TPD52L2: variants seen among roughly 807,000 people sequenced by gnomAD.
TPD52L2 encodes tumor protein D54.
Under a neutral mutation model 24.7 loss-of-function variants are expected in TPD52L2, and 19 were observed. The observed-to-expected ratio is 0.77, with a 90% CI of 0.54 to 1.13. The LOEUF is 1.13. Ranked by LOEUF, TPD52L2 falls within the 50% of genes most tolerant of loss-of-function variation. The pLI is 0.00. For missense variants in TPD52L2, 236 were observed against 250.4 expected (o/e 0.94, Z 0.39); for synonymous variants, 104 against 100.2 (o/e 1.04, Z -0.23).
chr20:63,880,816 G>A (rs1332409228), intron 4 of TPD52L2, among the ~76,000 whole-genome samples: 3 of 151,450 alleles, frequency 2.0e-5, no homozygotes, highest in Non-Finnish European at 2.9e-5. Flanking sequence ...GCGTGCACCC[G>A]TGAGGCAGAG....
intron 4 of TPD52L2, chr20:63,876,516 C>T (rs1175445168): frequency 5.8e-6 from 2 of 346,036 alleles, no homozygotes; most frequent in African/African-American, 4.3e-5. Context: ...AATAGCACTT[C>T]ATTTACTTGT....
chr20:63,886,107 G>A, intron 5 of TPD52L2: 1 of 1,546,042 alleles, frequency 6.5e-7, no homozygotes, highest in Non-Finnish European at 8.9e-7. Flanking sequence ...GTGGACTCCG[G>A]CAGGGCCCTT....
intron 4 of TPD52L2, among the ~76,000 whole-genome samples, chr20:63,880,837 GCCGAGATGGTGCTGCTGCACT>G (rs1484266152): frequency 1.3e-5 from 2 of 151,088 alleles, no homozygotes; most frequent in African/African-American, 4.9e-5. Context: ...CTTGCAGTGA[GCCGAGATGGTGCTGCTGCACT>G]CCAGCCTGGG....
chr20:63,880,628 C>T (rs2052857431), intron 4 of TPD52L2, among the ~76,000 whole-genome samples: 1 of 152,240 alleles, frequency 6.6e-6, no homozygotes, highest in Non-Finnish European at 1.5e-5. Context: ...CGGTGGCTCA[C>T]ACCTGTAATC....
chr20:63,887,510 G>C (rs939872258), intron 5 of TPD52L2: 2 of 1,599,846 alleles, frequency 1.3e-6, no homozygotes, highest in Middle Eastern at 1.7e-4. Flanking sequence ...GTTGTGTGTG[G>C]ATCTTGGTGT....
chr20:63,881,117 T>A (rs909764776), intron 4 of TPD52L2, among the ~76,000 whole-genome samples: 1 of 152,016 alleles, frequency 6.6e-6, no homozygotes, highest in African/African-American at 2.4e-5. Context: ...ATCCCAGCAC[T>A]GCGGGAGGCC....
At chr20:63,876,656 C>G (rs1241865919) in intron 4 of TPD52L2, 1 of 414,530 alleles carries the variant, frequency 2.4e-6, no homozygotes, top group African/African-American at 2.1e-5. Context: ...GCAGAAAGTC[C>G]TCCCATGTTG....
intron 3 of TPD52L2, among the ~76,000 whole-genome samples, chr20:63,874,252 G>C (rs1159753934): frequency 6.8e-6 from 1 of 147,440 alleles, no homozygotes; most frequent in Non-Finnish European, 1.5e-5. Context: ...GTGTGTGTGT[G>C]TGTGTTTTTA....
Position 63,887,408 on chromosome 20 carries a change from T to G in TPD52L2, c.477-1782T>G, listed in dbSNP as rs1188956905. The G allele has an allele frequency of 3.2e-5, 28 of 876,404 alleles. No homozygotes were observed. In the Admixed American group the frequency reaches 4.6e-4, roughly 14 times the overall value. 54.3% of individuals were successfully genotyped at this position (876,404 alleles called of 1,614,324 possible). On this transcript the variant is annotated intron_variant, in intron 5 of 6. Coordinates refer to ENST00000346249, the MANE Select transcript of TPD52L2 (RefSeq NM_003288.4). ...CAAGGGAGGACCCTGGGGTCGAGTT[T>G]CCTTCGGGGGCATTGTGTGGAGGGG...
intron 4 of TPD52L2, among the ~76,000 whole-genome samples, chr20:63,881,332 C>G (rs1208611065): frequency 6.6e-6 from 1 of 150,714 alleles, no homozygotes; most frequent in Non-Finnish European, 1.5e-5. Flanking sequence ...TGCCCCCCAG[C>G]CTGAGTGACA....
At chr20:63,887,213 T>A (rs1321449822) in intron 5 of TPD52L2, 2 of 400,302 alleles carry the variant, frequency 5.0e-6, no homozygotes, top group Non-Finnish European at 9.3e-6. Flanking sequence ...TGTTTTTACT[T>A]GACTTGGTGG....
intron 5 of TPD52L2, chr20:63,885,915 C>T: frequency 1.6e-6 from 2 of 1,274,100 alleles, no homozygotes; most frequent in Non-Finnish European, 2.3e-6. Flanking sequence ...TGAGCACGAG[C>T]AGGGGGCCTC....
intron 3 of TPD52L2, among the ~76,000 whole-genome samples, 187 bp from the exon 4 acceptor site, chr20:63,875,629 C>T (rs991150486): frequency 6.6e-6 from 1 of 152,244 alleles, no homozygotes; most frequent in Non-Finnish European, 1.5e-5. Context: ...ATACCCACAG[C>T]TCACCTGGCG....
At position 63,869,397 on chromosome 20, in the gene TPD52L2, C is replaced by CT. The variant is rs1447812298; in HGVS notation, c.122dup (p.Thr42AspfsTer4). The CT allele has an allele frequency of 6.2e-7, 1 of 1,614,090 alleles. No homozygotes were observed. On this transcript the variant is annotated frameshift_variant, in exon 2 of 7. Coordinates refer to ENST00000346249, the MANE Select transcript of TPD52L2 (RefSeq NM_003288.4). LOFTEE classifies it high-confidence loss of function. ...TGCCCGGACTCCTGCTGTTGAGGGT[C>CT]TGACAGAGGCTGAGGAGGAGGAGCT... is the stretch of plus-strand genomic sequence containing the variant.
chr20:63,875,750 C>A lies in TPD52L2; in HGVS notation c.315-66C>A, dbSNP rs146549875. The A allele has an allele frequency of 5.2e-6, 8 of 1,530,480 alleles. No homozygotes were observed. The African/African-American group carries it at 9.6e-5, about 18-fold the overall frequency. The allele number at this position is 1,530,480 out of a possible 1,614,324, so 94.8% of individuals were successfully genotyped here. On this transcript the variant is annotated intron_variant, in intron 3 of 6. Coordinates refer to ENST00000346249, the MANE Select transcript of TPD52L2 (RefSeq NM_003288.4). ...CTCTCTGTCTTCCCTGGAACTTCAC[C>A]TGCAGTTTGATGCCTGAGTTAAAAT...
intron 5 of TPD52L2, among the ~76,000 whole-genome samples, chr20:63,885,061 C>A (rs547982565): frequency 1.2e-4 from 18 of 152,344 alleles, no homozygotes; most frequent in Admixed American, 7.2e-4. Context: ...CTCACTACTT[C>A]CTGAAAGTGA....
intron 6 of TPD52L2, among the ~76,000 whole-genome samples, chr20:63,889,637 G>A (rs2053260568): frequency 6.6e-6 from 1 of 152,238 alleles, no homozygotes; most frequent in Non-Finnish European, 1.5e-5. Flanking sequence ...GAACGATACA[G>A]TGTGCAGCTT....
rs1003989848 is a variant in TPD52L2 at position 63,877,600 on chromosome 20, C to A, written c.374+1725C>A. Among the ~76,000 whole-genome samples the A allele has an allele frequency of 6.6e-6, 1 of 152,260 alleles. No homozygotes were observed. The highest frequency in any genetic ancestry group is 6.5e-5 in the Admixed American group (1 of 15,282). On this transcript the variant is annotated intron_variant, in intron 4 of 6. Transcript: ENST00000346249. The surrounding 1 kb of genome is among the most constrained non-coding windows in gnomAD (Gnocchi z 4.1). ...GCATCAGGCGGACGCACAGTGCAGA[C>A]TCAGTCTGAAAATAGTCTTAGGAGA...
chr20:63,875,517 G>C (rs2052638483), intron 3 of TPD52L2, among the ~76,000 whole-genome samples: 1 of 152,228 alleles, frequency 6.6e-6, no homozygotes, highest in African/African-American at 2.4e-5. Context: ...GCTGTGGGCT[G>C]TGCCCTTCCA....
Sources: allele counts gnomAD v4.1 joint callset (sites outside exome capture counted in the v4.1 genomes callset), GRCh38; gene constraint gnomAD v4.1.1; non-coding constraint Gnocchi (gnomAD v3.1); transcripts MANE v1.5; gene names NCBI Gene and HGNC (gene_info 2026-07-23, HGNC 2026-07-21).